SNX30: variants seen among roughly 807,000 people sequenced by gnomAD.
SNX30 encodes sorting nexin family member 30, also known as sorting nexin-30.
Under a neutral mutation model 46.4 loss-of-function variants are expected in SNX30, and 24 were observed. The observed-to-expected ratio is 0.52, with a 90% CI of 0.37 to 0.73. The LOEUF is 0.73. Ranked by LOEUF, SNX30 falls within the 30% of genes least tolerant of loss-of-function variation. The pLI is 0.00. For synonymous variants in SNX30, 189 were observed against 211.5 expected, an observed-to-expected ratio of 0.89 and a Z score of 0.92; for missense variants, 533 against 555.7, an observed-to-expected ratio of 0.96 and a Z score of 0.41.
Position 112,818,330 on chromosome 9 carries a change from A to C in SNX30, c.459+515A>C, listed in dbSNP as rs553567329. ...GGATCACCTGCCCCTACCAGGTTCA[A>C]GTGGATCACCTGCCCCAGCCTTCTG... On this transcript the variant is annotated intron_variant, in intron 3 of 8. Transcript: ENST00000374232. Among the ~76,000 whole-genome samples the C allele has an allele frequency of 2.0e-5, 3 of 151,914 alleles. No homozygotes were observed. The East Asian group carries it at 5.8e-4, about 29-fold the overall frequency.
At chr9:112,780,087 T>A (rs962161317) in intron 1 of SNX30, among the ~76,000 whole-genome samples, 22 of 152,210 alleles carry the variant, frequency 1.4e-4, no homozygotes, top group African/African-American at 5.3e-4. Context: ...TGCTTCTACC[T>A]TTTGGAGGAG....
At chr9:112,859,573 A>T (rs1339791322) in intron 7 of SNX30, among the ~76,000 whole-genome samples, 1 of 152,194 alleles carries the variant, frequency 6.6e-6, no homozygotes, top group African/African-American at 2.4e-5. Flanking sequence ...CAATCCACCA[A>T]CAATGTACAA....
At chr9:112,854,470 A>G (rs1356276301) in intron 7 of SNX30, among the ~76,000 whole-genome samples, 1 of 152,230 alleles carries the variant, frequency 6.6e-6, no homozygotes, top group East Asian at 1.9e-4. Flanking sequence ...GAAAATGACT[A>G]GTCCGTCCTG....
intron 6 of SNX30, among the ~76,000 whole-genome samples, chr9:112,839,617 C>T (rs963810013): frequency 1.3e-4 from 20 of 152,252 alleles, no homozygotes; most frequent in East Asian, 5.8e-4. Flanking sequence ...GAGACTCCGA[C>T]GATGGGGGCA....
intron 1 of SNX30, among the ~76,000 whole-genome samples, chr9:112,786,737 C>T (rs1839935161): frequency 6.6e-6 from 1 of 151,770 alleles, no homozygotes; most frequent in South Asian, 2.1e-4. Flanking sequence ...CTTGTGGGCT[C>T]AAGCAATCTG....
At chr9:112,772,022 A>G (rs1275145555) in intron 1 of SNX30, among the ~76,000 whole-genome samples, 3 of 152,154 alleles carry the variant, frequency 2.0e-5, no homozygotes, top group Non-Finnish European at 4.4e-5. Flanking sequence ...ACAGTTGTCC[A>G]GACTTTATTG....
intron 2 of SNX30, among the ~76,000 whole-genome samples, chr9:112,810,216 G>A (rs755830961): frequency 6.6e-6 from 1 of 152,060 alleles, no homozygotes; most frequent in Non-Finnish European, 1.5e-5. Context: ...TAAATGATTT[G>A]GACAGTGTGG....
At chr9:112,880,888 C>T (rs1841567987) in intron 5 of SNX30, among the ~76,000 whole-genome samples, 1 of 152,146 alleles carries the variant, frequency 6.6e-6, no homozygotes, top group Non-Finnish European at 1.5e-5. Flanking sequence ...TCATTCCAGT[C>T]TTGCAAGTAC....
At chr9:112,772,585 ACT>A (rs558548413) in intron 1 of SNX30, among the ~76,000 whole-genome samples, 2 of 152,144 alleles carry the variant, frequency 1.3e-5, no homozygotes, top group African/African-American at 4.8e-5. Context: ...TTCCAGTCTG[ACT>A]CTGAAGAACA....
intron 1 of SNX30, among the ~76,000 whole-genome samples, chr9:112,785,319 G>A (rs939773808): frequency 1.3e-5 from 2 of 151,160 alleles, no homozygotes; most frequent in African/African-American, 2.4e-5. Flanking sequence ...GGGCTTAAGC[G>A]ATCCTCCCAC....
intron 3 of SNX30, among the ~76,000 whole-genome samples, chr9:112,827,095 C>A (rs1447381163): frequency 1.3e-5 from 2 of 152,172 alleles, no homozygotes; most frequent in Non-Finnish European, 2.9e-5. Context: ...CATAAAGAAT[C>A]CCCCAGTATT....
Position 112,750,873 on chromosome 9 carries a change from C to G in SNX30, c.-129C>G. The G allele has an allele frequency of 1.0e-5, 9 of 881,278 alleles. No individual in the cohort carries two copies. Among genetic ancestry groups the G allele is most frequent in the Non-Finnish European group, 1.3e-5 (9 of 716,890 alleles). 54.6% of individuals were successfully genotyped at this position (881,278 alleles called of 1,614,324 possible). A position where few individuals can be genotyped will look rare whatever the true frequency, so the allele number is the denominator to read the frequency against. ...ACCAGCCGGCGGGTGGCGGCGGCCC[C>G]CAGCACGGCCGGTGCAAGGCCTCGG... On this transcript the variant is annotated 5_prime_UTR_variant, in exon 1 of 9. Transcript: ENST00000374232.
intron 8 of SNX30, among the ~76,000 whole-genome samples, chr9:112,868,511 T>C (rs1018788409): frequency 5.9e-5 from 9 of 152,216 alleles, no homozygotes; most frequent in Non-Finnish European, 1.2e-4. Context: ...AGTAAATCCA[T>C]TTCCATTCAC....
At chr9:112,851,487 A>G (rs1841025417) in intron 7 of SNX30, among the ~76,000 whole-genome samples, 2 of 152,212 alleles carry the variant, frequency 1.3e-5, no homozygotes, top group South Asian at 4.1e-4. Context: ...ATTGGGGGAA[A>G]AAAGCCAACA....
At chr9:112,825,847 T>C (rs536359610) in intron 3 of SNX30, among the ~76,000 whole-genome samples, 4 of 152,268 alleles carry the variant, frequency 2.6e-5, no homozygotes, top group South Asian at 4.1e-4. Flanking sequence ...CAGACAGTAA[T>C]AGAGGTGAGG....
At chr9:112,885,195 G>C (rs1189129707), downstream of SNX30, 1 of 151,976 alleles carries the variant, frequency 6.6e-6, no homozygotes, top group Non-Finnish European at 1.5e-5. Context: ...GACGGCTCTT[G>C]TCCTAGGAAG....
intron 5 of SNX30, chr9:112,881,377 G>T (rs1841575566): frequency 6.6e-6 from 1 of 152,278 alleles, no homozygotes; most frequent in South Asian, 2.1e-4. Flanking sequence ...ATGAGTGCTA[G>T]TGCACTACTG....
Position 112,834,881 on chromosome 9 carries a change from CA to C in SNX30, c.619-1332del, listed in dbSNP as rs1209142229. Among the ~76,000 whole-genome samples the C allele has an allele frequency of 4.3e-3, 349 of 80,504 alleles. 1 individual carries two copies. Among genetic ancestry groups the C allele is most frequent in the Middle Eastern group, 0.011 (2 of 182 alleles). The allele number at this position is 80,504 out of a possible 152,430, so 52.8% of individuals were successfully genotyped here. On this transcript the variant is annotated intron_variant, in intron 4 of 8. Coordinates refer to ENST00000374232, the MANE Select transcript of SNX30 (RefSeq NM_001012994.2). ...ACACACACACACACACACACACACA[CA>C]CCTACCTCAATAGGAAAGGCTGGAT...
In SNX30 at chr9:112,864,302, T is replaced by C; in HGVS notation, c.1157T>C (p.Leu386Pro). ...CGGATGGAGTGTTTCAATGCTGACC[T>C]GAAAGCTGACATGGAGAGGTGGCAG... is the stretch of plus-strand genomic sequence containing the variant. ...QDRMECFNAD[L>P]KADMERWQNN... is the part of the protein sequence containing the mutation. The change falls in exon 8 of 9, where the codon CTG becomes CCG. Residue 386 changes from leucine (L) to proline (P), a missense_variant. Leu to Pro is a moderately conservative substitution (Grantham distance 98, BLOSUM62 -3). Coordinates refer to ENST00000374232, the MANE Select transcript of SNX30 (RefSeq NM_001012994.2). The C allele has an allele frequency of 6.2e-7, 1 of 1,614,150 alleles. No individual in the cohort carries two copies. Among genetic ancestry groups the C allele is most frequent in the Non-Finnish European group, 8.5e-7 (1 of 1,180,022 alleles).
Sources: allele counts gnomAD v4.1 joint callset (sites outside exome capture counted in the v4.1 genomes callset), GRCh38; gene constraint gnomAD v4.1.1; transcripts MANE v1.5; gene names NCBI Gene and HGNC (gene_info 2026-07-23, HGNC 2026-07-21).